Variants in FOXF2 observed in about 807,000 individuals in gnomAD.
The protein encoded by FOXF2 is forkhead box protein F2.
In FOXF2, 15 loss-of-function variants were observed where a neutral mutation model predicts 29.1. That is an observed-to-expected ratio of 0.52 (90% CI 0.35 to 0.79). The LOEUF is 0.79. Among genes scored for constraint, FOXF2 ranks in the 30% least tolerant of loss-of-function variants. FOXF2 has a pLI of 0.01. For missense variants in FOXF2, 675 were observed against 667.1 expected (o/e 1.01, Z -0.13); for synonymous variants, 337 against 316.5 (o/e 1.06, Z -0.69).
At chr6:1,393,241 C>T (rs551791434) in intron 1 of FOXF2, among the ~76,000 whole-genome samples, 2 of 152,232 alleles carry the variant, frequency 1.3e-5, no homozygotes, top group African/African-American at 4.8e-5. Context: ...GTCCATGTGC[C>T]CCTGCCGGCG....
At chr6:1,392,278 C>G (rs1281626177) in intron 1 of FOXF2, among the ~76,000 whole-genome samples, 8 of 152,198 alleles carry the variant, frequency 5.3e-5, no homozygotes, top group Admixed American at 1.3e-4. Flanking sequence ...GTTAACCAAA[C>G]AAAGACAGTC....
chr6:1,391,014 C>G lies in FOXF2; in HGVS notation c.1067C>G (p.Thr356Arg), dbSNP rs1758777528. 4 of 1,598,076 alleles carry G rather than the reference C, an allele frequency of 2.5e-6. No individual in the cohort carries two copies. The highest frequency in any genetic ancestry group is 3.4e-6 in the Non-Finnish European group (4 of 1,177,986). ...SPYLKQPPAL[T>R]PSSNPAASAG... ...TACCTCAAGCAGCCGCCTGCCCTGA[C>G]GCCCAGCAGCAACCCCGCCGCCTCG... Residue 356 changes from threonine to arginine, a missense_variant, in exon 1 of 2, where the codon ACG becomes AGG. Coordinates refer to ENST00000645481, the MANE Select transcript of FOXF2 (RefSeq NM_001452.2).
rs1758748221 is a variant in FOXF2 at position 1,390,148 on chromosome 6, C to T, written c.201C>T (p.Ser67=). The change falls in exon 1 of 2, where the codon AGC becomes AGT. Residue 67 remains serine (S), a synonymous_variant. Transcript: ENST00000645481. The surrounding 1 kb of genome is among the most constrained non-coding windows in gnomAD (Gnocchi z 8.5). ...ASSSSSSNSA[S]APSAACKSAG... is the part of the protein sequence containing the mutation. The stretch of plus-strand genomic sequence containing the variant: ...CCTCGTCCTCCTCCAATTCGGCCAG[C>T]GCCCCCTCGGCTGCCTGCAAGAGCG... The T allele has an allele frequency of 6.9e-7, 1 of 1,455,090 alleles. No individual in the cohort carries two copies. The allele number at this position is 1,455,090 out of a possible 1,614,324, so 90.1% of individuals were successfully genotyped here.
At chr6:1,391,743 C>G (rs1326281379) in intron 1 of FOXF2, among the ~76,000 whole-genome samples, 1 of 151,968 alleles carries the variant, frequency 6.6e-6, no homozygotes, top group East Asian at 1.9e-4. Context: ...CCTCCCCCCC[C>G]GCCCAACAAT....
rs1031708512 is a variant in FOXF2 at position 1,389,910 on chromosome 6, G to T, written c.-38G>T. ...CCGGCGCCTCCGCTTCCCGCCCGGG[G>T]CCCGCCCTCGCGGCCCGGCCTCGCT... is the stretch of plus-strand genomic sequence containing the variant. On this transcript the variant is annotated 5_prime_UTR_variant, in exon 1 of 2. Transcript: ENST00000645481. 17 of 827,438 alleles carry T rather than the reference G, an allele frequency of 2.1e-5. No individual in the cohort carries two copies. Among genetic ancestry groups the T allele is most frequent in the African/African-American group, 3.7e-5 (2 of 53,552 alleles). The allele number at this position is 827,438 out of a possible 1,614,324, so 51.3% of individuals were successfully genotyped here.
rs45600838 is a variant in FOXF2, at chr6:1,394,884, G to A, written c.*25G>A. On this transcript the variant is annotated 3_prime_UTR_variant, in exon 2 of 2. Transcript: ENST00000645481. ...AACGGAAAGAGGCCAAGCGATGGCC[G>A]CTCTCTCCTCTCCCCTCCTCAGAGG... 9.0e-3 allele frequency: 14,441 copies of A among 1,611,950 alleles called. 98 individuals carry two copies. Among genetic ancestry groups the A allele is most frequent in the Non-Finnish European group, 0.01 (12,289 of 1,178,216 alleles).
Position 1,390,857 on chromosome 6 carries a change from G to GGCT in FOXF2, c.912_913insTGC (p.Gly304_Gly305insCys). 1 of 1,442,572 alleles carries GGCT rather than the reference G, an allele frequency of 6.9e-7. No homozygotes were observed. 89.4% of individuals were successfully genotyped at this position (1,442,572 alleles called of 1,614,324 possible). ...GGGCGTCGGTGCGGCCGGGGGCGGC[G>GGCT]GCGGCGGCGACTACGGGCCGGACAG... On this transcript the variant is annotated inframe_insertion, in exon 1 of 2. Transcript: ENST00000645481. This position sits in a 1 kb window ranked among gnomAD's most constrained non-coding sequence, Gnocchi z 8.5.
At position 1,390,013 on chromosome 6, in the gene FOXF2, G is replaced by A. The variant is rs753685888; in HGVS notation, c.66G>A (p.Ala22=). ...GCGCGTGCAGCCCGGTCCCCGGCGCGCTCCAGGCCGCCCTGATGAGCCCGC... is the reference window on the plus strand; with the variant it reads ...GCGCGTGCAGCCCGGTCCCCGGCGCACTCCAGGCCGCCCTGATGAGCCCGC... ...LRRACSPVPG[A]LQAALMSPPP... The change falls in exon 1 of 2, where the codon GCG becomes GCA. Residue 22 remains alanine (A), a synonymous_variant. Transcript: ENST00000645481. This position sits in a 1 kb window ranked among gnomAD's most constrained non-coding sequence, Gnocchi z 8.5. 1.1e-5 allele frequency: 13 copies of A among 1,163,434 alleles called. No homozygotes were observed. Among genetic ancestry groups the A allele is most frequent in the South Asian group, 3.4e-5 (1 of 29,732 alleles). 72.1% of individuals were successfully genotyped at this position (1,163,434 alleles called of 1,614,324 possible). A position where few individuals can be genotyped will look rare whatever the true frequency, so the allele number is the denominator to read the frequency against.
intron 1 of FOXF2, 119 bp downstream of exon 1, chr6:1,391,237 G>A: frequency 6.6e-7 from 1 of 1,514,820 alleles, no homozygotes; most frequent in Admixed American, 2.0e-5. Context: ...GAGGGCACTG[G>A]GAAAAGCAGA....
In FOXF2 at chr6:1,390,480, C is replaced by T; in HGVS notation, c.533C>T (p.Pro178Leu). 6.2e-7 allele frequency: 1 copy of T among 1,612,034 alleles called. No homozygotes were observed. Among genetic ancestry groups the T allele is most frequent in the Non-Finnish European group, 8.5e-7 (1 of 1,179,890 alleles). ...PGKGHYWTID[P>L]ASEFMFEEGS... ...AAGGGCCACTACTGGACCATCGACC[C>T]GGCCAGCGAGTTCATGTTCGAGGAG... Residue 178 changes from proline (P) to leucine (L), a missense_variant, in exon 1 of 2, where the codon CCG (proline) becomes CTG (leucine). Around this residue, in one of 3 missense-constraint regions of FOXF2, gnomAD observed 451 missense variants for 437.2 expected, o/e 1.03. Coordinates refer to ENST00000645481, the MANE Select transcript of FOXF2 (RefSeq NM_001452.2). This position sits in a 1 kb window ranked among gnomAD's most constrained non-coding sequence, Gnocchi z 8.5.
intron 1 of FOXF2, 84 bp from the exon 2 acceptor site, chr6:1,394,612 T>C (rs377204806): frequency 1.5e-6 from 2 of 1,363,200 alleles, no homozygotes; most frequent in South Asian, 2.3e-5. Flanking sequence ...CAGCACCTTT[T>C]GTACTCTGAG....
rs1383690197 is a variant in FOXF2 at position 1,390,449 on chromosome 6, C to A, written c.502C>A (p.Pro168Thr). The A allele has an allele frequency of 1.2e-6, 2 of 1,611,812 alleles. No homozygotes were observed. Among genetic ancestry groups the A allele is most frequent in the African/African-American group, 1.3e-5 (1 of 74,908 alleles). ...FIKLPKGLGRPGKGHYWTIDP... is the reference protein window; with the variant it reads ...FIKLPKGLGRTGKGHYWTIDP... ...CAAGCTGCCTAAGGGCCTCGGGCGG[C>A]CCGGCAAGGGCCACTACTGGACCAT... Residue 168 changes from proline to threonine, a missense_variant, in exon 1 of 2, where the codon CCC becomes ACC. Transcript: ENST00000645481. The surrounding 1 kb of genome is among the most constrained non-coding windows in gnomAD (Gnocchi z 8.5).
chr6:1,392,882 G>A (rs891751038), intron 1 of FOXF2, among the ~76,000 whole-genome samples: 5 of 152,196 alleles, frequency 3.3e-5, no homozygotes, highest in Non-Finnish European at 5.9e-5. Flanking sequence ...GAACGCCCGG[G>A]GGAGACAATA....
intron 1 of FOXF2, among the ~76,000 whole-genome samples, chr6:1,391,536 G>A (rs1758787814): frequency 6.6e-6 from 1 of 152,104 alleles, no homozygotes; most frequent in Non-Finnish European, 1.5e-5. Context: ...TCATTTTGCT[G>A]TACTTCTGTC....
In FOXF2 at chr6:1,390,638, C is replaced by G. The variant is rs1758764457; in HGVS notation, c.691C>G (p.Pro231Ala). Reference protein sequence around the residue: ...LPQGFDFQAPPSAPLGCHSQG... With the variant: ...LPQGFDFQAPASAPLGCHSQG... ...CCAGGGCTTCGACTTCCAGGCGCCCCCGTCGGCGCCGCTCGGCTGCCACAG... is the reference window on the plus strand; with the variant it reads ...CCAGGGCTTCGACTTCCAGGCGCCCGCGTCGGCGCCGCTCGGCTGCCACAG... Residue 231 changes from proline to alanine, a missense_variant, in exon 1 of 2, where the codon CCG becomes GCG. Physicochemically the swap from Pro to Ala is conservative, Grantham distance 27. Coordinates refer to ENST00000645481, the MANE Select transcript of FOXF2 (RefSeq NM_001452.2). This position sits in a 1 kb window ranked among gnomAD's most constrained non-coding sequence, Gnocchi z 8.5. The G allele has an allele frequency of 6.3e-7, 1 of 1,578,350 alleles. No individual in the cohort carries two copies.
In FOXF2 at chr6:1,390,222, G is replaced by A. The variant is rs1406285175; in HGVS notation, c.275G>A (p.Ser92Asn). The A allele has an allele frequency of 1.9e-6, 3 of 1,583,822 alleles. No homozygotes were observed. Among genetic ancestry groups the A allele is most frequent in the Non-Finnish European group, 2.6e-6 (3 of 1,168,060 alleles). The change falls in exon 1 of 2, where the codon AGC (serine) becomes AAC (asparagine). Residue 92 changes from serine (S) to asparagine (N), a missense_variant. This residue lies in a region of FOXF2 where 220 missense variants were observed against 205.5 expected (regional missense o/e 1.07). Coordinates refer to ENST00000645481, the MANE Select transcript of FOXF2 (RefSeq NM_001452.2). The surrounding 1 kb of genome is among the most constrained non-coding windows in gnomAD (Gnocchi z 8.5). Reference sequence around the variant, plus strand: ...GGGAGCGGGGGCGCCAAGAAGGCGAGCTCGGGGCTGCGGCGGCCCGAGAAG... The same window carrying A: ...GGGAGCGGGGGCGCCAAGAAGGCGAACTCGGGGCTGCGGCGGCCCGAGAAG... Reference protein sequence around the residue: ...GAGSGGAKKASSGLRRPEKPP... With the variant: ...GAGSGGAKKANSGLRRPEKPP...
chr6:1,390,091 C>G lies in FOXF2; in HGVS notation c.144C>G (p.Ser48=), dbSNP rs748534796. Residue 48 remains serine (S), a synonymous_variant, in exon 1 of 2, where the codon TCC becomes TCG. Coordinates refer to ENST00000645481, the MANE Select transcript of FOXF2 (RefSeq NM_001452.2). This position sits in a 1 kb window ranked among gnomAD's most constrained non-coding sequence, Gnocchi z 8.5. ...CCGCCCCGGAGACCACCTCCTCCTC[C>G]TCGTCGTCGTCCTCCGCCTCCTGCG... ...AAAAPETTSS[S]SSSSSASCAS... is the part of the protein sequence containing the mutation. 2.3e-5 allele frequency: 32 copies of G among 1,415,442 alleles called. No individual in the cohort carries two copies. The highest frequency in any genetic ancestry group is 6.1e-5 in the East Asian group (2 of 32,682). 87.7% of individuals were successfully genotyped at this position (1,415,442 alleles called of 1,614,324 possible).
Position 1,390,133 on chromosome 6 carries a change from C to G in FOXF2, c.186C>G (p.Ser62=). 1 of 1,453,690 alleles carries G rather than the reference C, an allele frequency of 6.9e-7. No individual in the cohort carries two copies. Among genetic ancestry groups the G allele is most frequent in the Admixed American group, 2.3e-5 (1 of 43,772 alleles). The allele number at this position is 1,453,690 out of a possible 1,614,324, so 90.0% of individuals were successfully genotyped here. A position where few individuals can be genotyped will look rare whatever the true frequency, so the allele number is the denominator to read the frequency against. ...SSASCASSSS[S]SNSASAPSAA... Reference sequence around the variant, plus strand: ...CCTCCTGCGCCTCGTCCTCGTCCTCCTCCAATTCGGCCAGCGCCCCCTCGG... The same window carrying G: ...CCTCCTGCGCCTCGTCCTCGTCCTCGTCCAATTCGGCCAGCGCCCCCTCGG... Residue 62 remains serine (S), a synonymous_variant, in exon 1 of 2, where the codon TCC becomes TCG. Transcript: ENST00000645481. The surrounding 1 kb of genome is among the most constrained non-coding windows in gnomAD (Gnocchi z 8.5).
At position 1,395,061 on chromosome 6, in the gene FOXF2, C is replaced by A; in HGVS notation, c.*202C>A. On this transcript the variant is annotated 3_prime_UTR_variant, in exon 2 of 2. Transcript: ENST00000645481. ...GGACAACCGCTGGCAAGGTAGCGTT[C>A]CCCAATCTGAATACCTGCAGGCTCC... The A allele has an allele frequency of 1.6e-6, 1 of 606,956 alleles. No homozygotes were observed. The highest frequency in any genetic ancestry group is 2.9e-6 in the Non-Finnish European group (1 of 342,390). The allele number at this position is 606,956 out of a possible 1,614,324, so 37.6% of individuals were successfully genotyped here. A position where few individuals can be genotyped will look rare whatever the true frequency, so the allele number is the denominator to read the frequency against.
Sources: allele counts gnomAD v4.1 joint callset (sites outside exome capture counted in the v4.1 genomes callset), GRCh38; gene constraint gnomAD v4.1.1; regional missense constraint gnomAD v4.1.1; non-coding constraint Gnocchi (gnomAD v3.1); transcripts MANE v1.5; gene names NCBI Gene and HGNC (gene_info 2026-07-23, HGNC 2026-07-21).